Variants in CNOT7 observed in about 807,000 individuals in gnomAD.
CNOT7 encodes CCR4-NOT transcription complex subunit 7.
Under a neutral mutation model 37.1 loss-of-function variants are expected in CNOT7, and 4 were observed. The observed-to-expected ratio is 0.11, with a 90% CI of 0.05 to 0.25. The LOEUF (loss-of-function observed/expected upper bound fraction) is 0.25. Ranked by LOEUF, CNOT7 falls within the 10% of genes least tolerant of loss-of-function variation. CNOT7 has a pLI of 1.00. For missense variants in CNOT7, 170 were observed against 336.2 expected (o/e 0.51, Z 3.87); for synonymous variants, 128 against 115.6 (o/e 1.11, Z -0.69).
At chr8:17,231,312 A>G (rs1376719589) in intron 6 of CNOT7, among the ~76,000 whole-genome samples, 1 of 152,168 alleles carries the variant, frequency 6.6e-6, no homozygotes, top group African/African-American at 2.4e-5. Flanking sequence ...CTGTCCTTGA[A>G]GAAGCCAAGA....
Position 17,227,912 on chromosome 8 carries a change from GTAA to G in CNOT7, c.*2805_*2807del, listed in dbSNP as rs1808264396. 6.6e-6 allele frequency: 1 copy of G among 151,846 alleles called. No homozygotes were observed. Among genetic ancestry groups the G allele is most frequent in the Non-Finnish European group, 1.5e-5 (1 of 67,794 alleles). The allele number at this position is 151,846 out of a possible 1,614,324, so 9.4% of individuals were successfully genotyped here. A position where few individuals can be genotyped will look rare whatever the true frequency, so the allele number is the denominator to read the frequency against. ...CACAGGGCATTCCAAATGCTTTCAG[GTAA>G]TATCTGCATCACCATGATTCTGTAG... On this transcript the variant is annotated 3_prime_UTR_variant, in exon 7 of 7. Transcript: ENST00000361272.
chr8:17,244,848 G>T, intron 2 of CNOT7, 188 bp downstream of exon 2: 1 of 550,750 alleles, frequency 1.8e-6, no homozygotes, highest in Non-Finnish European at 3.2e-6. Context: ...TGCAATGAGG[G>T]ATAAACCCAA....
Position 17,226,150 on chromosome 8 carries a change from T to C in CNOT7, c.*4570A>G, listed in dbSNP as rs912795692. 1 of 148,002 alleles carries C rather than the reference T, an allele frequency of 6.8e-6. No homozygotes were observed. The highest frequency in any genetic ancestry group is 1.5e-5 in the Non-Finnish European group (1 of 66,550). The allele number at this position is 148,002 out of a possible 1,614,324, so 9.2% of individuals were successfully genotyped here. On this transcript the variant is annotated 3_prime_UTR_variant, in exon 7 of 7. Transcript: ENST00000361272. ...TCAAGGAAACTTTTCACCAAATTTT[T>C]ATTCTAAAAATTGAAAACTCAAAAT... is the stretch of plus-strand genomic sequence containing the variant.
rs1479584679 is a variant in CNOT7, at chr8:17,227,961, A to AACAAG, written c.*2754_*2758dup. ...TGTAGCTTGCCAAGCGGCAATGTGA[A>AACAAG]ACAAGACACACATACACAGGTTCTG... On this transcript the variant is annotated 3_prime_UTR_variant, in exon 7 of 7. Transcript: ENST00000361272. The AACAAG allele has an allele frequency of 6.6e-6, 1 of 151,980 alleles. No individual in the cohort carries two copies. The highest frequency in any genetic ancestry group is 1.5e-5 in the Non-Finnish European group (1 of 67,850). 9.4% of individuals were successfully genotyped at this position (151,980 alleles called of 1,614,324 possible). A position where few individuals can be genotyped will look rare whatever the true frequency, so the allele number is the denominator to read the frequency against.
Position 17,245,097 on chromosome 8 carries a change from T to G in CNOT7, c.56A>C (p.Asn19Thr), listed in dbSNP as rs142912321. 1.9e-6 allele frequency: 3 copies of G among 1,613,748 alleles called. No individual in the cohort carries two copies. Among genetic ancestry groups the G allele is most frequent in the South Asian group, 1.1e-5 (1 of 91,064 alleles). ...SQRICEVWAC[N>T]LDEEMKKIRQ... ...AATTTTCTTCATCTCTTCATCCAAG[T>G]TGCAAGCCCAAACTTCACAAATTCT... The change falls in exon 2 of 7, where the codon AAC becomes ACC. Residue 19 changes from asparagine to threonine, a missense_variant. Asn to Thr is a moderately conservative substitution (Grantham distance 65). Coordinates refer to ENST00000361272, the MANE Select transcript of CNOT7 (RefSeq NM_013354.7).
chr8:17,236,040 A>G (rs1424508338), intron 4 of CNOT7, among the ~76,000 whole-genome samples: 1 of 151,978 alleles, frequency 6.6e-6, no homozygotes, highest in Non-Finnish European at 1.5e-5. Context: ...AAAAATGACT[A>G]AAAAAAAGGT....
In CNOT7 at chr8:17,246,745, GGCGGTGGCGGTA is replaced by G; in HGVS notation, c.-178_-167del. The G allele has an allele frequency of 5.3e-6, 1 of 189,014 alleles. No homozygotes were observed. The highest frequency in any genetic ancestry group is 1.1e-5 in the Non-Finnish European group (1 of 91,520). 11.7% of individuals were successfully genotyped at this position (189,014 alleles called of 1,614,324 possible). ...GACAGCACTCGGCGGCGGTGGCGGT[GGCGGTGGCGGTA>G]GCGGCGGCGGCAGCGGGTGCCCCAT... On this transcript the variant is annotated 5_prime_UTR_variant, in exon 1 of 7. Transcript: ENST00000361272.
Position 17,242,985 on chromosome 8 carries a change from C to G in CNOT7, c.311+7G>C. ...AAGTCTGGGTTATACAGTTATTTCC[C>G]ACTTACGTCAAATTAAATTTAAAAT... On this transcript the variant is annotated splice_region_variant and intron_variant, in intron 3 of 6. Coordinates refer to ENST00000361272, the MANE Select transcript of CNOT7 (RefSeq NM_013354.7). The G allele has an allele frequency of 6.3e-7, 1 of 1,581,978 alleles. No individual in the cohort carries two copies. Among genetic ancestry groups the G allele is most frequent in the Non-Finnish European group, 8.6e-7 (1 of 1,165,724 alleles).
chr8:17,242,772 G>C, intron 3 of CNOT7: 2 of 363,362 alleles, frequency 5.5e-6, no homozygotes. Flanking sequence ...TACAAAAAAA[G>C]CTGCAGTCAT....
intron 6 of CNOT7, chr8:17,232,077 G>A (rs943305645): frequency 3.9e-6 from 4 of 1,021,612 alleles, no homozygotes; most frequent in African/African-American, 3.5e-5. Context: ...ACCAATGGGA[G>A]TCAGAAAAGA....
At chr8:17,233,718 A>C (rs978950758) in intron 5 of CNOT7, among the ~76,000 whole-genome samples, 4 of 152,194 alleles carry the variant, frequency 2.6e-5, no homozygotes, top group Admixed American at 2.6e-4. Flanking sequence ...AGTCCCCTCA[A>C]ATTACACAGA....
In CNOT7 at chr8:17,230,522, C is replaced by A. The variant is rs902650832; in HGVS notation, c.*198G>T. 2 of 365,816 alleles carry A rather than the reference C, an allele frequency of 5.5e-6. No individual in the cohort carries two copies. Among genetic ancestry groups the A allele is most frequent in the Non-Finnish European group, 4.9e-6 (1 of 204,238 alleles). 22.7% of individuals were successfully genotyped at this position (365,816 alleles called of 1,614,324 possible). ...ATATTAAATTAAGGCCAAATTTAAC[C>A]TGAATGCGTTTTTTTTTTTCTTTTT... On this transcript the variant is annotated 3_prime_UTR_variant, in exon 7 of 7. Coordinates refer to ENST00000361272, the MANE Select transcript of CNOT7 (RefSeq NM_013354.7).
At chr8:17,235,973 C>T (rs918104173) in intron 4 of CNOT7, among the ~76,000 whole-genome samples, 4 of 151,872 alleles carry the variant, frequency 2.6e-5, no homozygotes, top group Non-Finnish European at 5.9e-5. Context: ...ATGTCATATA[C>T]AGTAAAAGGG....
At chr8:17,243,602 G>C (rs1164589200) in intron 2 of CNOT7, 2 of 457,974 alleles carry the variant, frequency 4.4e-6, no homozygotes, top group Admixed American at 4.7e-5. Context: ...CTGACACAAG[G>C]TTTTTCTCAA....
intron 1 of CNOT7, chr8:17,246,247 G>A (rs1381203537): frequency 6.6e-6 from 1 of 152,140 alleles, no homozygotes; most frequent in African/African-American, 2.4e-5. Context: ...AAGCATCTCC[G>A]TACTGCAGTT....
intron 6 of CNOT7, among the ~76,000 whole-genome samples, 196 bp from the exon 7 acceptor site, chr8:17,231,044 CAAAG>C (rs993782967): frequency 2.6e-5 from 4 of 151,810 alleles, no homozygotes; most frequent in Admixed American, 2.0e-4. Context: ...GCTCAGAAAC[CAAAG>C]AAAGAGACTA....
chr8:17,225,063 G>A lies in CNOT7; in HGVS notation c.*5657C>T, dbSNP rs910823128. 17 of 151,660 alleles carry A rather than the reference G, an allele frequency of 1.1e-4. No homozygotes were observed. The highest frequency in any genetic ancestry group is 3.6e-4 in the African/African-American group (15 of 41,402). The allele number at this position is 151,660 out of a possible 1,614,324, so 9.4% of individuals were successfully genotyped here. Reference sequence around the variant, plus strand: ...TTAATTTTTTAGAAAAACAAAACAGGTATATGGCATGAGTGAAACAGTTCC... The same window carrying A: ...TTAATTTTTTAGAAAAACAAAACAGATATATGGCATGAGTGAAACAGTTCC... On this transcript the variant is annotated 3_prime_UTR_variant, in exon 7 of 7. Transcript: ENST00000361272.
chr8:17,238,220 GTTTT>G (rs774322157), intron 3 of CNOT7, among the ~76,000 whole-genome samples: 58 of 152,158 alleles, frequency 3.8e-4, no homozygotes, highest in African/African-American at 1.2e-3. Flanking sequence ...GTGAAAAAGT[GTTTT>G]TTTATTTACT....
intron 1 of CNOT7, chr8:17,245,939 T>C (rs1301543241): frequency 2.6e-5 from 4 of 150,956 alleles, no homozygotes; most frequent in African/African-American, 9.7e-5. Flanking sequence ...CTTCTGCATT[T>C]TTCATACAAA....
Sources: gnomAD v4.1 joint callset for allele counts (sites outside exome capture counted in the v4.1 genomes callset) on GRCh38, gnomAD v4.1.1 for gene constraint, MANE v1.5 for transcripts, NCBI Gene and HGNC (gene_info 2026-07-23, HGNC 2026-07-21) for gene names.